The following TMCO4 variants were observed in gnomAD, a reference collection of about 807,000 sequenced individuals.
TMCO4 encodes transmembrane and coiled-coil domains 4.
A neutral mutation model predicts 64.7 loss-of-function variants in TMCO4; 58 were observed. The ratio of observed to expected loss-of-function variants is 0.90; its 90% CI spans 0.73 to 1.12. The LOEUF (loss-of-function observed/expected upper bound fraction) is 1.12, where lower values mean the gene tolerates loss of function less well. TMCO4 is among the 50% of genes most tolerant of loss of function. The pLI is 0.00. For missense variants in TMCO4, 780 were observed against 825.9 expected, an observed-to-expected ratio of 0.94 and a Z score of 0.68; for synonymous variants, 325 against 346.1, an observed-to-expected ratio of 0.94 and a Z score of 0.68.
At chr1:19,737,846 A>G (rs1425470195) in intron 12 of TMCO4, among the ~76,000 whole-genome samples, 1 of 152,238 alleles carries the variant, frequency 6.6e-6, no homozygotes, top group Non-Finnish European at 1.5e-5. Flanking sequence ...CCCCTTCCGG[A>G]GCTGGGGAGA....
intron 13 of TMCO4, among the ~76,000 whole-genome samples, chr1:19,722,086 G>T (rs1234191238): frequency 1.3e-5 from 2 of 152,176 alleles, no homozygotes; most frequent in African/African-American, 4.8e-5. Context: ...AGAGTAGTCC[G>T]TTTCCTATCA....
intron 14 of TMCO4, among the ~76,000 whole-genome samples, chr1:19,698,251 G>A (rs140689750): frequency 6.6e-6 from 1 of 152,278 alleles, no homozygotes; most frequent in African/African-American, 2.4e-5. Context: ...ATGGCACCTG[G>A]GGCAGAGCCC....
At chr1:19,742,506 C>A (rs1474871085) in intron 10 of TMCO4, among the ~76,000 whole-genome samples, 1 of 152,148 alleles carries the variant, frequency 6.6e-6, no homozygotes, top group East Asian at 1.9e-4. Flanking sequence ...CTACAGCTGC[C>A]CCCCTCCCTC....
chr1:19,798,338 T>C (rs1345848448), intron 1 of TMCO4, 123 bp from the exon 2 acceptor site: 1 of 152,256 alleles, frequency 6.6e-6, no homozygotes, highest in Admixed American at 6.5e-5. Flanking sequence ...GGTACCAGAG[T>C]AGAGAGAGAT....
intron 13 of TMCO4, among the ~76,000 whole-genome samples, chr1:19,736,687 C>T (rs1466818632): frequency 6.6e-6 from 1 of 152,216 alleles, no homozygotes; most frequent in Non-Finnish European, 1.5e-5. Flanking sequence ...AGGCCAGGAG[C>T]AGCAGCCCTC....
Position 19,682,668 on chromosome 1 carries a change from C to T in TMCO4, c.*372G>A, listed in dbSNP as rs572558889. 1 of 717,570 alleles carries T rather than the reference C, an allele frequency of 1.4e-6. No individual in the cohort carries two copies. The highest frequency in any genetic ancestry group is 2.0e-5 in the Admixed American group (1 of 50,016). 44.5% of individuals were successfully genotyped at this position (717,570 alleles called of 1,614,324 possible). ...GGAGAGCTGGTGTGGGAGCCTCAGGCCCCAGAGAGCCCTCGGGACCTCCTG... is the reference window on the plus strand; with the variant it reads ...GGAGAGCTGGTGTGGGAGCCTCAGGTCCCAGAGAGCCCTCGGGACCTCCTG... On this transcript the variant is annotated 3_prime_UTR_variant, in exon 16 of 16. Coordinates refer to ENST00000294543, the MANE Select transcript of TMCO4 (RefSeq NM_181719.7).
chr1:19,741,387 CTG>C (rs1373338578), intron 10 of TMCO4, among the ~76,000 whole-genome samples: 2 of 152,208 alleles, frequency 1.3e-5, no homozygotes, highest in African/African-American at 4.8e-5. Context: ...CAGCACAGCG[CTG>C]TGAGTCTGCT....
At chr1:19,689,936 C>A (rs2095178883) in intron 15 of TMCO4, among the ~76,000 whole-genome samples, 1 of 152,116 alleles carries the variant, frequency 6.6e-6, no homozygotes, top group Non-Finnish European at 1.5e-5. Context: ...CACCTTCAAG[C>A]CAAAAAAACA....
chr1:19,792,765 ATTTTTTTT>A (rs71579823), intron 2 of TMCO4, among the ~76,000 whole-genome samples: 5 of 89,676 alleles, frequency 5.6e-5, no homozygotes, highest in South Asian at 9.1e-4. Flanking sequence ...GTCAAGGTCA[ATTTTTTTT>A]TTTTTTTTTT....
At chr1:19,705,927 G>A (rs184812573) in intron 13 of TMCO4, among the ~76,000 whole-genome samples, 2 of 152,212 alleles carry the variant, frequency 1.3e-5, no homozygotes, top group East Asian at 1.9e-4. Context: ...TTGAGACAGG[G>A]TCTCCCTCTG....
intron 15 of TMCO4, among the ~76,000 whole-genome samples, chr1:19,684,411 G>C (rs1358110817): frequency 6.6e-6 from 1 of 151,982 alleles, no homozygotes; most frequent in Non-Finnish European, 1.5e-5. Context: ...CAGGCCTGAG[G>C]CACTGTGCCC....
At chr1:19,714,784 G>A (rs1029624211) in intron 13 of TMCO4, among the ~76,000 whole-genome samples, 3 of 152,076 alleles carry the variant, frequency 2.0e-5, no homozygotes, top group South Asian at 2.1e-4. Context: ...TTAGCTGGGC[G>A]TGGTGGTGGG....
At chr1:19,746,147 G>A (rs1241904403) in intron 9 of TMCO4, among the ~76,000 whole-genome samples, 2 of 152,164 alleles carry the variant, frequency 1.3e-5, no homozygotes, top group African/African-American at 2.4e-5. Context: ...CTCAGGGAAG[G>A]GCAGCCATGT....
chr1:19,775,330 G>T (rs1241953457), intron 4 of TMCO4, among the ~76,000 whole-genome samples: 1 of 152,136 alleles, frequency 6.6e-6, no homozygotes, highest in Non-Finnish European at 1.5e-5. Context: ...ACCCGCCTCG[G>T]CCTCCCAAAG....
chr1:19,710,284 TG>T (rs1244653063), intron 13 of TMCO4, among the ~76,000 whole-genome samples: 15 of 145,246 alleles, frequency 1.0e-4, no homozygotes, highest in Admixed American at 4.8e-4. Flanking sequence ...TTTTTTTTTT[TG>T]GATTTTTAGT....
At chr1:19,687,650 C>T (rs2095160039) in intron 15 of TMCO4, among the ~76,000 whole-genome samples, 1 of 152,180 alleles carries the variant, frequency 6.6e-6, no homozygotes, top group Non-Finnish European at 1.5e-5. Context: ...AAACTTCAGA[C>T]CCACAGGGAC....
intron 6 of TMCO4, among the ~76,000 whole-genome samples, chr1:19,758,303 G>T (rs1264910353): frequency 6.6e-6 from 1 of 152,200 alleles, no homozygotes; most frequent in African/African-American, 2.4e-5. Context: ...GTGGCTTGGG[G>T]TTATTAGATT....
intron 13 of TMCO4, among the ~76,000 whole-genome samples, chr1:19,717,853 A>G (rs1012144031): frequency 6.6e-6 from 1 of 152,076 alleles, no homozygotes; most frequent in African/African-American, 2.4e-5. Context: ...CTGGCATCTT[A>G]TTTTCTTAAC....
At chr1:19,700,910 C>T (rs202243040) in intron 13 of TMCO4, 25 bp from the exon 14 acceptor site, 17 of 1,604,718 alleles carry the variant, frequency 1.1e-5, no homozygotes, top group South Asian at 3.3e-5. Flanking sequence ...CAGAAAAGGC[C>T]GTCAGTGTCC....
Sources: allele counts gnomAD v4.1 joint callset (sites outside exome capture counted in the v4.1 genomes callset), GRCh38; gene constraint gnomAD v4.1.1; transcripts MANE v1.5; gene names NCBI Gene and HGNC (gene_info 2026-07-23, HGNC 2026-07-21).